The following FBXL7 variants were observed in gnomAD, a reference collection of about 807,000 sequenced individuals.
FBXL7 encodes F-box/LRR-repeat protein 7.
Under a neutral mutation model 38.3 loss-of-function variants are expected in FBXL7, and 12 were observed. That is an observed-to-expected ratio of 0.31 (90% CI 0.20 to 0.51). FBXL7 has a LOEUF of 0.51. Among genes scored for constraint, FBXL7 ranks in the 20% least tolerant of loss-of-function variants. FBXL7 has a pLI of 0.98. For missense variants in FBXL7, 567 were observed against 676.4 expected (o/e 0.84, Z 1.79); for synonymous variants, 297 against 300.9 (o/e 0.99, Z 0.13).
At chr5:15,673,048 C>T (rs971952176) in intron 2 of FBXL7, among the ~76,000 whole-genome samples, 10 of 150,004 alleles carry the variant, frequency 6.7e-5, no homozygotes, top group Admixed American at 2.7e-4. Flanking sequence ...ATATAGTGGC[C>T]GGGTGCAGTG....
chr5:15,783,810 G>A (rs1314121154), intron 2 of FBXL7, among the ~76,000 whole-genome samples: 2 of 152,192 alleles, frequency 1.3e-5, no homozygotes, highest in African/African-American at 2.4e-5. Flanking sequence ...GCACCAGAAA[G>A]CATAATGGGA....
At chr5:15,753,290 A>G (rs78287374) in intron 2 of FBXL7, among the ~76,000 whole-genome samples, 1 of 152,138 alleles carries the variant, frequency 6.6e-6, no homozygotes, top group Non-Finnish European at 1.5e-5. Flanking sequence ...ATTTTGGCAA[A>G]TGAATAATCA....
At chr5:15,806,606 A>G (rs1737718647) in intron 2 of FBXL7, among the ~76,000 whole-genome samples, 1 of 151,954 alleles carries the variant, frequency 6.6e-6, no homozygotes, top group Admixed American at 6.6e-5. Context: ...TTTTCTGATA[A>G]TTATCAGGTT....
chr5:15,867,535 C>T (rs1300681225), intron 2 of FBXL7, among the ~76,000 whole-genome samples: 1 of 152,204 alleles, frequency 6.6e-6, no homozygotes, highest in Admixed American at 6.5e-5. Context: ...CCAAAATGCC[C>T]CTCTGGGAAG....
Position 15,616,029 on chromosome 5 carries a change from T to C in FBXL7, c.84T>C (p.Asp28=). 6.2e-7 allele frequency: 1 copy of C among 1,613,548 alleles called. No individual in the cohort carries two copies. The highest frequency in any genetic ancestry group is 8.5e-7 in the Non-Finnish European group (1 of 1,179,640). Residue 28 remains aspartate, a synonymous_variant, in exon 2 of 4, where the codon GAT becomes GAC. Coordinates refer to ENST00000504595, the MANE Select transcript of FBXL7 (RefSeq NM_012304.5). The part of the protein sequence containing the change: ...SISSDVSSST[D]HTPTKAQKNV... Reference sequence around the variant, plus strand: ...CATCTGACGTGAGTTCAAGTACAGATCACACGCCCACTAAAGCCCAGAAGA... The same window carrying C: ...CATCTGACGTGAGTTCAAGTACAGACCACACGCCCACTAAAGCCCAGAAGA...
intron 3 of FBXL7, among the ~76,000 whole-genome samples, chr5:15,929,791 A>G (rs557690590): frequency 6.6e-6 from 1 of 152,304 alleles, no homozygotes; most frequent in African/African-American, 2.4e-5. Context: ...CTGCCTAGTC[A>G]AAAGATGAAC....
At chr5:15,594,778 A>C (rs1380614833) in intron 1 of FBXL7, among the ~76,000 whole-genome samples, 1 of 152,222 alleles carries the variant, frequency 6.6e-6, no homozygotes, top group Non-Finnish European at 1.5e-5. Flanking sequence ...ATTGCTGACA[A>C]CAATATCAGA....
intron 2 of FBXL7, among the ~76,000 whole-genome samples, chr5:15,925,879 G>T (rs964587018): frequency 6.6e-6 from 1 of 152,160 alleles, no homozygotes; most frequent in Non-Finnish European, 1.5e-5. Context: ...TCAGTAGAAA[G>T]TGTACTTTGA....
intron 2 of FBXL7, among the ~76,000 whole-genome samples, chr5:15,857,428 A>G (rs981893035): frequency 2.0e-5 from 3 of 152,210 alleles, no homozygotes; most frequent in African/African-American, 7.2e-5. Flanking sequence ...GACGTTTCCC[A>G]TCAGCACATC....
intron 1 of FBXL7, among the ~76,000 whole-genome samples, chr5:15,581,817 G>A (rs866224931): frequency 8.5e-5 from 13 of 152,228 alleles, no homozygotes; most frequent in Middle Eastern, 3.4e-3. Context: ...GAATATGGAT[G>A]AGAGGTGGGA....
At chr5:15,501,682 T>G in intron 1 of FBXL7, 1 of 985,438 alleles carries the variant, frequency 1.0e-6, no homozygotes. Context: ...TGGAGGAAAC[T>G]CTTATCATCC....
chr5:15,745,636 T>G (rs1342936794), intron 2 of FBXL7, among the ~76,000 whole-genome samples: 2 of 152,230 alleles, frequency 1.3e-5, no homozygotes, highest in East Asian at 1.9e-4. Flanking sequence ...AAAAAAACAT[T>G]TCAGGCAGAA....
At chr5:15,525,746 A>AT (rs1346956899) in intron 1 of FBXL7, among the ~76,000 whole-genome samples, 1 of 152,214 alleles carries the variant, frequency 6.6e-6, no homozygotes, top group Non-Finnish European at 1.5e-5. Flanking sequence ...TCAAAATGTG[A>AT]TAAGAAGAGA....
chr5:15,556,127 A>G (rs146549110), intron 1 of FBXL7, among the ~76,000 whole-genome samples: 5 of 152,036 alleles, frequency 3.3e-5, no homozygotes, highest in African/African-American at 1.2e-4. Flanking sequence ...TGATCCATCA[A>G]TTGACATATA....
chr5:15,816,826 A>G (rs1361495169), intron 2 of FBXL7, among the ~76,000 whole-genome samples: 3 of 152,336 alleles, frequency 2.0e-5, no homozygotes, highest in African/African-American at 2.4e-5. Flanking sequence ...TTGATAATCT[A>G]TACACATTTT....
intron 2 of FBXL7, among the ~76,000 whole-genome samples, chr5:15,743,921 C>G (rs978523380): frequency 1.3e-5 from 2 of 152,200 alleles, no homozygotes; most frequent in African/African-American, 2.4e-5. Context: ...ATGGCCTGAG[C>G]TCTACATTGG....
intron 1 of FBXL7, among the ~76,000 whole-genome samples, chr5:15,512,616 A>G (rs1011616636): frequency 3.1e-4 from 47 of 152,158 alleles, no homozygotes; most frequent in Non-Finnish European, 5.9e-5. Flanking sequence ...TTGGAACTTT[A>G]TTTGTATCAA....
intron 2 of FBXL7, among the ~76,000 whole-genome samples, chr5:15,880,721 TTATATA>T (rs3034531): frequency 5.6e-5 from 8 of 143,362 alleles, no homozygotes; most frequent in Admixed American, 5.0e-4. Context: ...ATATACTATA[TTATATA>T]TATATATATA....
At chr5:15,828,830 C>T (rs1738381205) in intron 2 of FBXL7, among the ~76,000 whole-genome samples, 1 of 152,180 alleles carries the variant, frequency 6.6e-6, no homozygotes. Flanking sequence ...GGATATAATT[C>T]ATACATAGTG....
Sources: allele counts gnomAD v4.1 joint callset (sites outside exome capture counted in the v4.1 genomes callset), GRCh38; gene constraint gnomAD v4.1.1; transcripts MANE v1.5; gene names NCBI Gene and HGNC (gene_info 2026-07-23, HGNC 2026-07-21).